Variants in TNKS observed in about 807,000 individuals in gnomAD.
The protein encoded by TNKS is tankyrase.
A neutral mutation model predicts 135.8 loss-of-function variants in TNKS; 72 were observed. That is an observed-to-expected ratio of 0.53 (90% CI 0.44 to 0.64). The LOEUF is 0.64. Among genes scored for constraint, TNKS ranks in the 30% least tolerant of loss-of-function variants. The pLI, the probability that TNKS is intolerant of heterozygous loss-of-function variation, is 0.00. For synonymous variants in TNKS, 849 were observed against 649.3 expected, an observed-to-expected ratio of 1.31 and a Z score of -4.68; for missense variants, 1,769 against 1,674.0, an observed-to-expected ratio of 1.06 and a Z score of -0.99.
chr8:9,623,700 G>C (rs1232983725), intron 3 of TNKS, among the ~76,000 whole-genome samples: 1 of 152,054 alleles, frequency 6.6e-6, no homozygotes, highest in Non-Finnish European at 1.5e-5. Context: ...GAGTGGGAGG[G>C]AATAGAAACT....
At chr8:9,565,856 C>A (rs1380468160) in intron 1 of TNKS, among the ~76,000 whole-genome samples, 4 of 151,164 alleles carry the variant, frequency 2.6e-5, no homozygotes, top group African/African-American at 9.7e-5. Flanking sequence ...GACTCCGTCT[C>A]AAAAAAAATA....
intron 3 of TNKS, among the ~76,000 whole-genome samples, chr8:9,671,790 G>C (rs2128793189): frequency 6.6e-6 from 1 of 152,292 alleles, no homozygotes; most frequent in Non-Finnish European, 1.5e-5. Flanking sequence ...CAGTTTAATA[G>C]TAGTCACCCC....
chr8:9,776,841 A>AGGCTGTCAG lies in TNKS; in HGVS notation c.*106_*107insGCTGTCAGG. The AGGCTGTCAG allele has an allele frequency of 2.7e-6, 3 of 1,095,470 alleles. No homozygotes were observed. The highest frequency in any genetic ancestry group is 4.0e-6 in the Non-Finnish European group (3 of 742,214). 67.9% of individuals were successfully genotyped at this position (1,095,470 alleles called of 1,614,324 possible). On this transcript the variant is annotated 3_prime_UTR_variant, in exon 27 of 27. Coordinates refer to ENST00000310430, the MANE Select transcript of TNKS (RefSeq NM_003747.3). The stretch of plus-strand genomic sequence containing the variant: ...ATATTCTAGAAGTCCCTGACAGCCT[A>AGGCTGTCAG]GAAATAAGCTGTTTGTCTTCTATAA...
At chr8:9,565,535 A>C (rs1017520157) in intron 1 of TNKS, among the ~76,000 whole-genome samples, 14 of 152,318 alleles carry the variant, frequency 9.2e-5, no homozygotes, top group African/African-American at 3.4e-4. Context: ...AAAAAACCTT[A>C]AAGCTATAGT....
chr8:9,578,729 A>G (rs995800228), intron 1 of TNKS, among the ~76,000 whole-genome samples: 30 of 152,018 alleles, frequency 2.0e-4, no homozygotes, highest in African/African-American at 6.8e-4. Flanking sequence ...ACTGTCTTTT[A>G]TTTTTATTTA....
At chr8:9,693,585 T>C (rs1164499558) in intron 5 of TNKS, among the ~76,000 whole-genome samples, 1 of 152,134 alleles carries the variant, frequency 6.6e-6, no homozygotes. Context: ...AAATGTAAAG[T>C]AACTGATATT....
intron 26 of TNKS, among the ~76,000 whole-genome samples, chr8:9,775,624 T>G (rs1406723390): frequency 6.6e-6 from 1 of 151,344 alleles, no homozygotes; most frequent in African/African-American, 2.4e-5. Flanking sequence ...AATAGATCCT[T>G]ACTATGCCAG....
At chr8:9,622,398 G>A (rs1799899697) in intron 3 of TNKS, among the ~76,000 whole-genome samples, 1 of 152,120 alleles carries the variant, frequency 6.6e-6, no homozygotes, top group African/African-American at 2.4e-5. Flanking sequence ...CTTTGATCCA[G>A]GTGCTATTTC....
intron 2 of TNKS, among the ~76,000 whole-genome samples, chr8:9,587,648 C>T (rs1046564062): frequency 3.9e-5 from 6 of 152,058 alleles, no homozygotes; most frequent in South Asian, 2.1e-4. Flanking sequence ...GTGATCCGCC[C>T]GCCTCGGCCT....
chr8:9,758,106 G>A (rs1806940357), intron 20 of TNKS, among the ~76,000 whole-genome samples: 1 of 152,168 alleles, frequency 6.6e-6, no homozygotes, highest in African/African-American at 2.4e-5. Flanking sequence ...AAGTACCAGT[G>A]ACCTCATAAA....
intron 3 of TNKS, among the ~76,000 whole-genome samples, chr8:9,618,559 T>A (rs1430608550): frequency 2.0e-5 from 3 of 152,236 alleles, no homozygotes; most frequent in Non-Finnish European, 4.4e-5. Flanking sequence ...TTGGAGGTAT[T>A]TAGATTTTTC....
In TNKS at chr8:9,625,146, CTTAG is replaced by C. The variant is rs563843921; in HGVS notation, c.994+9473_994+9476del. ...GTTATTTATTTCTTCTTGTGTGAGT[CTTAG>C]TTATTTATGTCTTTCAAGGAATTGG... On this transcript the variant is annotated intron_variant, in intron 3 of 26. Transcript: ENST00000310430. Among the ~76,000 whole-genome samples, 261 of 152,022 alleles carry C rather than the reference CTTAG, an allele frequency of 1.7e-3. 1 individual carries two copies. Among genetic ancestry groups the C allele is most frequent in the African/African-American group, 5.7e-3 (236 of 41,488 alleles).
intron 2 of TNKS, among the ~76,000 whole-genome samples, chr8:9,587,556 G>A (rs1005481573): frequency 1.4e-4 from 21 of 151,832 alleles, no homozygotes; most frequent in Admixed American, 9.8e-4. Context: ...CTGCCACCAC[G>A]CCCGGGTAAT....
At chr8:9,765,865 C>G (rs950768802) in intron 24 of TNKS, 68 bp downstream of exon 24, 7 of 1,318,746 alleles carry the variant, frequency 5.3e-6, no homozygotes, top group South Asian at 2.5e-5. Context: ...AGGGAAAAAC[C>G]TACGTTAAAT....
chr8:9,707,975 A>G (rs1315931336), intron 8 of TNKS, among the ~76,000 whole-genome samples: 1 of 152,178 alleles, frequency 6.6e-6, no homozygotes, highest in East Asian at 1.9e-4. Flanking sequence ...TTGAATTTTC[A>G]TGTACCACTG....
intron 5 of TNKS, among the ~76,000 whole-genome samples, chr8:9,694,499 C>T (rs572219033): frequency 1.3e-5 from 2 of 152,220 alleles, no homozygotes; most frequent in Non-Finnish European, 2.9e-5. Context: ...TGGTGGCTCA[C>T]ACCTGTAATC....
chr8:9,619,820 C>A (rs567616177), intron 3 of TNKS, among the ~76,000 whole-genome samples: 143 of 148,854 alleles, frequency 9.6e-4, no homozygotes, highest in Middle Eastern at 3.5e-3. Flanking sequence ...CTAACTGCCT[C>A]CTGCTGCCCT....
At chr8:9,574,818 C>T (rs891434304) in intron 1 of TNKS, among the ~76,000 whole-genome samples, 2 of 152,028 alleles carry the variant, frequency 1.3e-5, no homozygotes, top group South Asian at 2.1e-4. Flanking sequence ...ATGAAAGTAT[C>T]TGGAGATGCC....
rs557065678 is a variant in TNKS, at chr8:9,575,189, C to G, written c.674-4970C>G. 4.9e-6 allele frequency: 3 copies of G among 618,132 alleles called. No individual in the cohort carries two copies. In the South Asian group the frequency reaches 2.2e-4, roughly 45 times the overall value. 38.3% of individuals were successfully genotyped at this position (618,132 alleles called of 1,614,324 possible). ...GCAAGCTCCGCCTCCCGGGTTCACG[C>G]CATTCTCCTGCCTCAGCCTCCGGAG... On this transcript the variant is annotated intron_variant, in intron 1 of 26. Transcript: ENST00000310430.
Sources: gnomAD v4.1 joint callset for allele counts (sites outside exome capture counted in the v4.1 genomes callset) on GRCh38, gnomAD v4.1.1 for gene constraint, MANE v1.5 for transcripts, NCBI Gene and HGNC (gene_info 2026-07-23, HGNC 2026-07-21) for gene names.